RHEB: variants seen among roughly 807,000 people sequenced by gnomAD.
The protein encoded by RHEB is GTP-binding protein Rheb.
A neutral mutation model predicts 28.8 loss-of-function variants in RHEB; 2 were observed. That is an observed-to-expected ratio of 0.07 (90% CI 0.03 to 0.22). The LOEUF (loss-of-function observed/expected upper bound fraction) is 0.22, where lower values mean the gene tolerates loss of function less well. RHEB is among the 10% of genes least tolerant of loss of function. The pLI, the probability that RHEB is intolerant of heterozygous loss-of-function variation, is 1.00. For missense variants in RHEB, 76 were observed against 219.9 expected (o/e 0.35, Z 4.14); for synonymous variants, 69 against 77.3 (o/e 0.89, Z 0.56).
Position 151,470,846 on chromosome 7 carries a change from G to A in RHEB, c.381-194C>T, listed in dbSNP as rs189096495. Among the ~76,000 whole-genome samples the A allele has an allele frequency of 6.5e-4, 99 of 152,322 alleles. 1 individual carries two copies. Among genetic ancestry groups the A allele is most frequent in the African/African-American group, 2.2e-3 (92 of 41,578 alleles). ...TACGCCTGAGCTGGGGAACAGAATA[G>A]ACATTGCTTTATGGGATTATCCATG... On this transcript the variant is annotated intron_variant, in intron 6 of 7. Transcript: ENST00000262187.
chr7:151,504,213 T>C (rs3087741), intron 1 of RHEB, among the ~76,000 whole-genome samples: 98,246 of 152,006 alleles, frequency 0.65, 32,571 homozygotes, highest in African/African-American at 0.78. Flanking sequence ...TTCTGACAAG[T>C]GTCCCTATAA....
Position 151,502,584 on chromosome 7 carries a change from G to T in RHEB, c.53-11570C>A. 4 of 1,248,770 alleles carry T rather than the reference G, an allele frequency of 3.2e-6. No individual in the cohort carries two copies. The South Asian group carries it at 4.8e-5, about 15-fold the overall frequency. The allele number at this position is 1,248,770 out of a possible 1,614,324, so 77.4% of individuals were successfully genotyped here. A position where few individuals can be genotyped will look rare whatever the true frequency, so the allele number is the denominator to read the frequency against. On this transcript the variant is annotated intron_variant, in intron 1 of 7. Transcript: ENST00000262187. ...TGTGTGACAACAAATTCCATAAAGG[G>T]GCTCTTACAGCACTACTTTCAGATG...
At chr7:151,496,942 G>A (rs1802684003) in intron 1 of RHEB, among the ~76,000 whole-genome samples, 3 of 147,556 alleles carry the variant, frequency 2.0e-5, no homozygotes, top group African/African-American at 7.8e-5. Flanking sequence ...ACCACACTCG[G>A]CTATTTTTTT....
At chr7:151,485,355 CACA>C (rs1170931493) in intron 2 of RHEB, among the ~76,000 whole-genome samples, 2 of 152,220 alleles carry the variant, frequency 1.3e-5, no homozygotes, top group African/African-American at 4.8e-5. Context: ...AGCAATTTGT[CACA>C]ACTTCTTTTC....
chr7:151,478,837 G>T (rs914954089), intron 3 of RHEB, among the ~76,000 whole-genome samples: 1 of 152,102 alleles, frequency 6.6e-6, no homozygotes, highest in Non-Finnish European at 1.5e-5. Flanking sequence ...ATTTTACCAC[G>T]TTGGCCAGGC....
chr7:151,505,864 T>C (rs1802863771), intron 1 of RHEB, among the ~76,000 whole-genome samples: 1 of 152,128 alleles, frequency 6.6e-6, no homozygotes, highest in Non-Finnish European at 1.5e-5. Context: ...CTCAAAAACA[T>C]TATGCTAACT....
chr7:151,490,791 A>T, intron 2 of RHEB, 152 bp downstream of exon 2: 1 of 694,510 alleles, frequency 1.4e-6, no homozygotes, highest in South Asian at 1.6e-5. Flanking sequence ...CTTTCAGGGT[A>T]AAGTAGGTAA....
chr7:151,519,326 T>C (rs1368276328), intron 1 of RHEB, 134 bp downstream of exon 1: 2 of 528,902 alleles, frequency 3.8e-6, no homozygotes, highest in South Asian at 8.9e-5. Flanking sequence ...AGAATGGTGG[T>C]TACGAAACGC....
chr7:151,482,251 C>A (rs1244701179), intron 3 of RHEB, among the ~76,000 whole-genome samples: 4 of 152,164 alleles, frequency 2.6e-5, no homozygotes, highest in Non-Finnish European at 4.4e-5. Context: ...CTTCTTCACC[C>A]TTTTATGTAA....
Position 151,472,704 on chromosome 7 carries a change from G to A in RHEB, c.276-1099C>T, listed in dbSNP as rs58217417. ...TTTGTCTCCCACACCAGAAATAATA[G>A]GTCCGCAAGGGCAGGGATTTGTCTG... On this transcript the variant is annotated intron_variant, in intron 4 of 7. Transcript: ENST00000262187. This position sits in a 1 kb window ranked among gnomAD's most constrained non-coding sequence, Gnocchi z 5.2. 0.038 allele frequency among the ~76,000 whole-genome samples: 5,731 copies of A among 152,226 alleles called. 340 individuals are homozygous for A. Among genetic ancestry groups the A allele is most frequent in the African/African-American group, 0.13 (5,383 of 41,496 alleles).
chr7:151,469,778 C>G (rs2150919716), intron 7 of RHEB, among the ~76,000 whole-genome samples: 1 of 152,210 alleles, frequency 6.6e-6, no homozygotes, highest in South Asian at 2.1e-4. Flanking sequence ...ATGGAAAGTA[C>G]AAGAACGTGG....
At chr7:151,493,093 G>A (rs1476137048) in intron 1 of RHEB, among the ~76,000 whole-genome samples, 3 of 151,850 alleles carry the variant, frequency 2.0e-5, no homozygotes, top group Non-Finnish European at 2.9e-5. Context: ...CACCCGCCTC[G>A]GCCTCCCAAA....
intron 2 of RHEB, among the ~76,000 whole-genome samples, chr7:151,485,020 T>A (rs573659759): frequency 1.3e-5 from 2 of 152,294 alleles, no homozygotes; most frequent in Non-Finnish European, 2.9e-5. Context: ...TCAAGCTTGG[T>A]AAACCTTGAT....
At chr7:151,492,583 C>G (rs1407447486) in intron 1 of RHEB, among the ~76,000 whole-genome samples, 1 of 150,736 alleles carries the variant, frequency 6.6e-6, no homozygotes, top group Admixed American at 6.6e-5. Context: ...CGCCACTGCA[C>G]TCCACTCTGG....
intron 3 of RHEB, among the ~76,000 whole-genome samples, chr7:151,480,144 A>C (rs1405235187): frequency 6.6e-6 from 1 of 152,150 alleles, no homozygotes; most frequent in Non-Finnish European, 1.5e-5. Context: ...CTGTAACCCT[A>C]TGATAGCCCA....
intron 1 of RHEB, chr7:151,502,573 T>C: frequency 8.4e-7 from 1 of 1,196,556 alleles, no homozygotes; most frequent in Non-Finnish European, 1.2e-6. Context: ...TGACAACAAA[T>C]TCCATAAAGG....
intron 3 of RHEB, among the ~76,000 whole-genome samples, chr7:151,484,206 AG>A (rs1324893155): frequency 3.3e-5 from 5 of 152,204 alleles, no homozygotes; most frequent in Non-Finnish European, 5.9e-5. Flanking sequence ...CCTTTCCTCT[AG>A]AAAAGATGTA....
chr7:151,516,992 C>G (rs1803092526), intron 1 of RHEB, among the ~76,000 whole-genome samples: 2 of 152,182 alleles, frequency 1.3e-5, no homozygotes, highest in South Asian at 4.1e-4. Context: ...CTAGAAGAAA[C>G]CTGCTGGCAA....
intron 1 of RHEB, among the ~76,000 whole-genome samples, chr7:151,492,625 A>C (rs1251514027): frequency 2.0e-5 from 3 of 151,740 alleles, no homozygotes; most frequent in Non-Finnish European, 4.4e-5. Context: ...TTATAAAAAA[A>C]AAAAAAGAAA....
Sources: gnomAD v4.1 joint callset for allele counts (sites outside exome capture counted in the v4.1 genomes callset) on GRCh38, gnomAD v4.1.1 for gene constraint, Gnocchi (gnomAD v3.1) non-coding constraint, MANE v1.5 for transcripts, NCBI Gene and HGNC (gene_info 2026-07-23, HGNC 2026-07-21) for gene names.